Variants in ACSL6 observed in about 807,000 individuals in gnomAD.
ACSL6 encodes acyl-CoA synthetase long chain family member 6.
Under a neutral mutation model 98.2 loss-of-function variants are expected in ACSL6, and 47 were observed. The observed-to-expected ratio is 0.48, with a 90% CI of 0.38 to 0.61. The LOEUF (loss-of-function observed/expected upper bound fraction) is 0.61, where lower values mean the gene tolerates loss of function less well. ACSL6 is among the 20% of genes least tolerant of loss of function. The pLI is 0.00. For missense variants in ACSL6, 761 were observed against 913.4 expected, an observed-to-expected ratio of 0.83 and a Z score of 2.15; for synonymous variants, 362 against 336.9, an observed-to-expected ratio of 1.07 and a Z score of -0.82.
In ACSL6 at chr5:131,988,922, G is replaced by A. The variant is rs756804410; in HGVS notation, c.553-18C>T. On this transcript the variant is annotated intron_variant, in intron 5 of 20. Transcript: ENST00000651883. ...ATGATCCACTGTGGAGACACATGAGGCGGGGGTGGGGAAGAAGGGGAGATT... is the reference window on the plus strand; with the variant it reads ...ATGATCCACTGTGGAGACACATGAGACGGGGGTGGGGAAGAAGGGGAGATT... 1.3e-5 allele frequency: 20 copies of A among 1,595,136 alleles called. No individual in the cohort carries two copies. The highest frequency in any genetic ancestry group is 2.2e-5 in the South Asian group (2 of 90,770).
chr5:131,987,794 G>A (rs1254552657), intron 7 of ACSL6, among the ~76,000 whole-genome samples: 1 of 152,154 alleles, frequency 6.6e-6, no homozygotes, highest in Non-Finnish European at 1.5e-5. Flanking sequence ...TGGCACCACG[G>A]TCCACCAGTC....
At position 131,994,171 on chromosome 5, in the gene ACSL6, C is replaced by A; in HGVS notation, c.130G>T (p.Gly44Ter). 1.2e-6 allele frequency: 2 copies of A among 1,614,198 alleles called. No individual in the cohort carries two copies. Among genetic ancestry groups the A allele is most frequent in the African/African-American group, 2.7e-5 (2 of 75,058 alleles). The change falls in exon 2 of 21, where the codon GGA becomes TGA. Residue 44 changes from glycine to a stop codon, truncating the protein, a stop_gained. Coordinates refer to ENST00000651883, the MANE Select transcript of ACSL6 (RefSeq NM_001009185.3). LOFTEE classifies it high-confidence loss of function. ...GCCGAGAGGCTGCGGAAAAACTGTC[C>A]CAAGTCACCTAGCTCAGGCAGTCGC... ...ILRLPELGDLGQFFRSLSATT... is the reference protein window; with the variant it reads ...ILRLPELGDL
chr5:131,958,135 G>T (rs1339383673), intron 20 of ACSL6, among the ~76,000 whole-genome samples: 1 of 152,188 alleles, frequency 6.6e-6, no homozygotes, highest in Non-Finnish European at 1.5e-5. Flanking sequence ...TTAAGAGTTG[G>T]TATTTTTTTC....
intron 20 of ACSL6, 62 bp from the exon 21 acceptor site, chr5:131,954,433 T>C: frequency 1.3e-6 from 2 of 1,517,846 alleles, no homozygotes; most frequent in Non-Finnish European, 1.8e-6. Flanking sequence ...ATAGTATACA[T>C]GGTAAAAAGC....
rs1752461360 is a variant in ACSL6 at position 131,957,254 on chromosome 5, G to A, written c.2031+2282C>T. The stretch of plus-strand genomic sequence containing the variant: ...TTAAAGGCAAATTGGTTAGGTAAGT[G>A]TTCATTTCAATGACAGGAAATACAA... On this transcript the variant is annotated intron_variant, in intron 20 of 20. Coordinates refer to ENST00000651883, the MANE Select transcript of ACSL6 (RefSeq NM_001009185.3). 2.6e-5 allele frequency among the ~76,000 whole-genome samples: 4 copies of A among 152,166 alleles called. No homozygotes were observed. The South Asian group carries it at 8.3e-4, about 32-fold the overall frequency.
chr5:131,973,691 A>G (rs1037971720), intron 11 of ACSL6: 7 of 267,038 alleles, frequency 2.6e-5, no homozygotes, highest in Non-Finnish European at 4.3e-5. Context: ...CCCCTCACCT[A>G]CTCCCAAACC....
Position 131,959,514 on chromosome 5 carries a change from G to C in ACSL6, c.2031+22C>G, listed in dbSNP as rs758888529. ...ATCACTGCCTGAAGGGTTGTAACGAGTATGGGGAAGGTAACAGTTACCTGC... is the reference window on the plus strand; with the variant it reads ...ATCACTGCCTGAAGGGTTGTAACGACTATGGGGAAGGTAACAGTTACCTGC... On this transcript the variant is annotated intron_variant, in intron 20 of 20. Coordinates refer to ENST00000651883, the MANE Select transcript of ACSL6 (RefSeq NM_001009185.3). The C allele has an allele frequency of 9.9e-6, 16 of 1,610,870 alleles. No homozygotes were observed. In the African/African-American group the frequency reaches 2.0e-4, roughly 20 times the overall value.
intron 17 of ACSL6, among the ~76,000 whole-genome samples, chr5:131,964,553 C>G (rs1022088754): frequency 3.9e-5 from 6 of 152,218 alleles, no homozygotes; most frequent in Admixed American, 1.3e-4. Context: ...TGGTTTCATT[C>G]AAGTTACAGG....
intron 1 of ACSL6, among the ~76,000 whole-genome samples, chr5:131,998,438 G>C (rs423957): frequency 0.75 from 113,810 of 152,120 alleles, 43,400 homozygotes; most frequent in Non-Finnish European, 0.84. Context: ...CCTCAGCATG[G>C]CCTCTGCTGA....
At chr5:131,962,106 G>C (rs1410226368) in intron 18 of ACSL6, among the ~76,000 whole-genome samples, 2 of 151,990 alleles carry the variant, frequency 1.3e-5, no homozygotes, top group Admixed American at 1.3e-4. Context: ...GATGAGGTGG[G>C]AAGATGGCTA....
At chr5:131,987,257 G>T (rs1236879547) in intron 7 of ACSL6, among the ~76,000 whole-genome samples, 1 of 152,220 alleles carries the variant, frequency 6.6e-6, no homozygotes, top group Non-Finnish European at 1.5e-5. Context: ...CCTGTATGAT[G>T]GCAATCCGAG....
chr5:132,008,880 T>A (rs923376808), intron 1 of ACSL6, among the ~76,000 whole-genome samples: 4 of 152,260 alleles, frequency 2.6e-5, no homozygotes, highest in African/African-American at 9.6e-5. Flanking sequence ...TAGAAAGTTA[T>A]CCACCAAGAG....
chr5:132,008,673 T>A (rs1313262071), intron 1 of ACSL6, among the ~76,000 whole-genome samples: 1 of 152,216 alleles, frequency 6.6e-6, no homozygotes, highest in Admixed American at 6.5e-5. Flanking sequence ...CCTTGAAGAC[T>A]CATCCCCCAT....
In ACSL6 at chr5:131,988,854, C is replaced by T. The variant is rs1025543900; in HGVS notation, c.603G>A (p.Pro201=). 30 of 1,613,308 alleles carry T rather than the reference C, an allele frequency of 1.9e-5. No individual in the cohort carries two copies. The Admixed American group carries it at 2.0e-4, about 11-fold the overall frequency. ...CCCCAGGGCCCAGGGTGTCATAGAG[C>T]GGGACCACCACCATGGAATATGTGT... ...ACYTYSMVVV[P]LYDTLGPGAI... is the part of the protein sequence containing the mutation. The change falls in exon 6 of 21, where the codon CCG becomes CCA. Residue 201 remains proline (P), a synonymous_variant. Transcript: ENST00000651883.
intron 20 of ACSL6, among the ~76,000 whole-genome samples, 169 bp from the exon 21 acceptor site, chr5:131,954,540 C>T (rs995349935): frequency 3.3e-5 from 5 of 152,130 alleles, no homozygotes; most frequent in African/African-American, 9.7e-5. Context: ...TATCTAAAAG[C>T]CAACTTTTTT....
Position 131,970,292 on chromosome 5 carries a change from G to A in ACSL6, c.1435-92C>T, listed in dbSNP as rs576549452. The A allele has an allele frequency of 2.8e-4, 312 of 1,132,230 alleles. 1 individual carries two copies. The highest frequency in any genetic ancestry group is 1.0e-3 in the Middle Eastern group (4 of 3,860). The allele number at this position is 1,132,230 out of a possible 1,614,324, so 70.1% of individuals were successfully genotyped here. The stretch of plus-strand genomic sequence containing the variant: ...CCAGACAGCTAACCTCCCACTGAGC[G>A]TGTCTGACTGCTTCATGATCAGGGC... On this transcript the variant is annotated intron_variant, in intron 14 of 20. Transcript: ENST00000651883.
chr5:131,959,428 G>C, intron 20 of ACSL6, 108 bp downstream of exon 20: 1 of 1,218,638 alleles, frequency 8.2e-7, no homozygotes, highest in African/African-American at 1.5e-5. Flanking sequence ...GCCTGCTGGC[G>C]GGCCACACCA....
At chr5:131,993,681 C>G (rs1483991051) in intron 2 of ACSL6, 2 of 300,372 alleles carry the variant, frequency 6.7e-6, no homozygotes, top group Non-Finnish European at 1.3e-5. Context: ...AGCACCAGAC[C>G]AGGAGAGTTT....
chr5:131,982,214 G>A (rs1753941160), intron 9 of ACSL6: 1 of 141,356 alleles, frequency 7.1e-6, no homozygotes, highest in Admixed American at 7.3e-5. Flanking sequence ...CGGGATCTCG[G>A]CTCACTGCAA....
Sources: allele counts gnomAD v4.1 joint callset (sites outside exome capture counted in the v4.1 genomes callset), GRCh38; gene constraint gnomAD v4.1.1; transcripts MANE v1.5; gene names NCBI Gene and HGNC (gene_info 2026-07-23, HGNC 2026-07-21).